Variants in SYT16 observed in about 807,000 individuals in gnomAD.
SYT16 encodes synaptotagmin 16.
Under a neutral mutation model 61.4 loss-of-function variants are expected in SYT16, and 42 were observed. The observed-to-expected ratio is 0.68, with a 90% confidence interval of 0.53 to 0.89. SYT16 has a LOEUF of 0.89. Among genes scored for constraint, SYT16 ranks in the 40% least tolerant of loss-of-function variants. SYT16 has a pLI of 0.00. For synonymous variants in SYT16, 314 were observed against 302.3 expected, an observed-to-expected ratio of 1.04 and a Z score of -0.40; for missense variants, 804 against 807.3, an observed-to-expected ratio of 1.00 and a Z score of 0.05.
chr14:61,880,938 G>A (rs966556303), intron 1 of SYT16, among the ~76,000 whole-genome samples: 3 of 151,668 alleles, frequency 2.0e-5, no homozygotes, highest in African/African-American at 7.3e-5. Flanking sequence ...TTGACATGTA[G>A]CATACATACA....
intron 1 of SYT16, among the ~76,000 whole-genome samples, chr14:61,915,384 C>T (rs1270770171): frequency 6.6e-6 from 1 of 152,056 alleles, no homozygotes; most frequent in East Asian, 1.9e-4. Flanking sequence ...ACATAACATA[C>T]ATCTATGAAC....
chr14:61,976,096 T>C (rs2140543689), intron 2 of SYT16, among the ~76,000 whole-genome samples: 1 of 152,320 alleles, frequency 6.6e-6, no homozygotes, highest in East Asian at 1.9e-4. Context: ...CAAAATCCAG[T>C]GGGGCAGTCA....
chr14:61,840,456 G>T (rs545892651), intron 1 of SYT16, among the ~76,000 whole-genome samples: 2 of 152,256 alleles, frequency 1.3e-5, no homozygotes, highest in Non-Finnish European at 2.9e-5. Context: ...TGAGTAGGAG[G>T]TTAATGAAAG....
At chr14:61,867,846 T>A (rs2047207382) in intron 1 of SYT16, among the ~76,000 whole-genome samples, 1 of 152,090 alleles carries the variant, frequency 6.6e-6, no homozygotes, top group Non-Finnish European at 1.5e-5. Context: ...CTTCTATTCC[T>A]AGTTTGCTGA....
intron 1 of SYT16, among the ~76,000 whole-genome samples, chr14:61,935,542 G>C (rs920942889): frequency 2.1e-4 from 32 of 152,288 alleles, no homozygotes; most frequent in African/African-American, 7.0e-4. Flanking sequence ...CTAAGCCTGT[G>C]TGTCCTGATC....
chr14:61,922,119 C>T (rs1038209497), intron 1 of SYT16, among the ~76,000 whole-genome samples: 13 of 152,164 alleles, frequency 8.5e-5, no homozygotes, highest in South Asian at 4.1e-4. Context: ...TTATAAGCAG[C>T]GTGGTGATTC....
intron 1 of SYT16, among the ~76,000 whole-genome samples, chr14:61,932,923 G>A (rs1481352917): frequency 6.6e-6 from 1 of 152,174 alleles, no homozygotes; most frequent in East Asian, 1.9e-4. Context: ...GCCCAGTCCA[G>A]TATAGTTGTG....
At chr14:61,832,028 C>T (rs1180212840) in intron 1 of SYT16, 7 of 688,848 alleles carry the variant, frequency 1.0e-5, no homozygotes, top group Non-Finnish European at 1.6e-5. Flanking sequence ...TAATGAACGC[C>T]GTGAAGCCAA....
chr14:61,916,592 C>A (rs1170204015), intron 1 of SYT16, among the ~76,000 whole-genome samples: 1 of 152,094 alleles, frequency 6.6e-6, no homozygotes, highest in Non-Finnish European at 1.5e-5. Flanking sequence ...GTGTTAAGAA[C>A]CTTCCAAATC....
At chr14:62,016,342 T>A (rs776479494) in intron 3 of SYT16, among the ~76,000 whole-genome samples, 50 of 152,074 alleles carry the variant, frequency 3.3e-4, no homozygotes, top group Non-Finnish European at 6.8e-4. Context: ...CTGAAGAACA[T>A]TTAATAAGAT....
intron 2 of SYT16, among the ~76,000 whole-genome samples, chr14:61,979,604 C>T (rs896600576): frequency 2.0e-5 from 3 of 152,178 alleles, no homozygotes; most frequent in Non-Finnish European, 2.9e-5. Context: ...TAAATTCTGG[C>T]CAGGCGTGGT....
chr14:62,003,579 TTTG>T (rs1016804455), intron 3 of SYT16, among the ~76,000 whole-genome samples: 5 of 151,980 alleles, frequency 3.3e-5, no homozygotes, highest in African/African-American at 9.7e-5. Flanking sequence ...TTATATAAAT[TTTG>T]TTGTTGTTTA....
intron 1 of SYT16, among the ~76,000 whole-genome samples, chr14:61,844,652 T>A (rs2046389919): frequency 6.6e-6 from 1 of 152,226 alleles, no homozygotes; most frequent in African/African-American, 2.4e-5. Context: ...ATATAGTTTT[T>A]GTTTTTCCTT....
intron 1 of SYT16, among the ~76,000 whole-genome samples, chr14:61,905,276 A>T (rs981795936): frequency 1.3e-5 from 2 of 151,848 alleles, no homozygotes; most frequent in African/African-American, 2.4e-5. Context: ...ATCAAGTATT[A>T]AAACCTTTGT....
chr14:61,864,829 C>T (rs1415448994), intron 1 of SYT16: 37 of 1,014,528 alleles, frequency 3.6e-5, no homozygotes, highest in Non-Finnish European at 4.8e-5. Flanking sequence ...ACCATTATGA[C>T]GGTGGGCCTT....
In SYT16 at chr14:62,069,512, A is replaced by G. The variant is rs1230787888; in HGVS notation, c.524-91A>G. 27 of 1,288,380 alleles carry G rather than the reference A, an allele frequency of 2.1e-5. No individual in the cohort carries two copies. The South Asian group carries it at 3.3e-4, about 16-fold the overall frequency. 79.8% of individuals were successfully genotyped at this position (1,288,380 alleles called of 1,614,324 possible). ...GTGCCTTCGTTCAAACTCATTGTCC[A>G]CGTTCTTCTCTTCTGTTTTCCTGGA... On this transcript the variant is annotated intron_variant, in intron 3 of 7. Coordinates refer to ENST00000683842, the MANE Select transcript of SYT16 (RefSeq NM_001367656.1).
chr14:61,954,667 A>G (rs762954902), intron 1 of SYT16, among the ~76,000 whole-genome samples: 1 of 152,060 alleles, frequency 6.6e-6, no homozygotes, highest in African/African-American at 2.4e-5. Context: ...TCACTATAGC[A>G]TTTGTATATA....
Position 62,069,743 on chromosome 14 carries a change from G to A in SYT16, c.664G>A (p.Glu222Lys), listed in dbSNP as rs1326721802. The change falls in exon 4 of 8, where the codon GAG becomes AAG. Residue 222 changes from glutamate (E) to lysine (K), a missense_variant. Physicochemically the swap from Glu to Lys is moderately conservative, Grantham distance 56. Transcript: ENST00000683842. ...TSEKGKQTGL[E>K]QKPKFSRSLL... ...TGAGAAAGGAAAGCAGACAGGATTGGAGCAGAAACCAAAATTCAGCCGTTC... is the reference window on the plus strand; with the variant it reads ...TGAGAAAGGAAAGCAGACAGGATTGAAGCAGAAACCAAAATTCAGCCGTTC... 6.2e-7 allele frequency: 1 copy of A among 1,614,004 alleles called. No homozygotes were observed. Among genetic ancestry groups the A allele is most frequent in the Admixed American group, 1.7e-5 (1 of 60,028 alleles).
At chr14:61,910,298 G>T (rs1220575228) in intron 1 of SYT16, among the ~76,000 whole-genome samples, 3 of 151,676 alleles carry the variant, frequency 2.0e-5, no homozygotes, top group Non-Finnish European at 2.9e-5. Flanking sequence ...GAGTGCAATG[G>T]CATGATCTCA....
Sources: allele counts gnomAD v4.1 joint callset (sites outside exome capture counted in the v4.1 genomes callset), GRCh38; gene constraint gnomAD v4.1.1; transcripts MANE v1.5; gene names NCBI Gene and HGNC (gene_info 2026-07-23, HGNC 2026-07-21).